ANXA4: variants seen among roughly 807,000 people sequenced by gnomAD.
ANXA4 encodes the protein 35-beta calcimedin.
Under a neutral mutation model 49.8 loss-of-function variants are expected in ANXA4, and 39 were observed. The observed-to-expected ratio is 0.78, with a 90% CI of 0.61 to 1.02. The LOEUF is 1.02. ANXA4 is among the 50% of genes least tolerant of loss of function. The pLI, the probability that ANXA4 is intolerant of heterozygous loss-of-function variation, is 0.00. For missense variants in ANXA4, 360 were observed against 410.1 expected, an observed-to-expected ratio of 0.88 and a Z score of 1.05; for synonymous variants, 134 against 152.5, an observed-to-expected ratio of 0.88 and a Z score of 0.89.
intron 1 of ANXA4, among the ~76,000 whole-genome samples, chr2:69,744,953 A>G (rs1195235220): frequency 6.6e-6 from 1 of 152,076 alleles, no homozygotes. Flanking sequence ...AACTGTTTCA[A>G]CTGGAAAGGG....
At chr2:69,762,934 C>T (rs529417837) in intron 1 of ANXA4, among the ~76,000 whole-genome samples, 18 of 152,264 alleles carry the variant, frequency 1.2e-4, no homozygotes, top group East Asian at 3.9e-4. Context: ...GCCGTAAGTC[C>T]GTTTCACTTC....
At chr2:69,774,791 A>G (rs1040970261) in intron 1 of ANXA4, among the ~76,000 whole-genome samples, 1 of 152,152 alleles carries the variant, frequency 6.6e-6, no homozygotes, top group Non-Finnish European at 1.5e-5. Flanking sequence ...CTTGGCATTT[A>G]TAAGGGGAGA....
intron 3 of ANXA4, among the ~76,000 whole-genome samples, chr2:69,728,574 A>G (rs1036296843): frequency 8.5e-4 from 129 of 152,160 alleles, no homozygotes; most frequent in Non-Finnish European, 1.2e-4. Flanking sequence ...ATCAAAATTC[A>G]TTATTTTTTC....
At chr2:69,769,777 C>G (rs191465834) in intron 1 of ANXA4, among the ~76,000 whole-genome samples, 5 of 152,294 alleles carry the variant, frequency 3.3e-5, no homozygotes, top group South Asian at 2.1e-4. Flanking sequence ...ATTCTCCTGC[C>G]TCAGACTCCC....
intron 8 of ANXA4, among the ~76,000 whole-genome samples, chr2:69,814,274 G>A (rs1364681922): frequency 6.6e-6 from 1 of 151,736 alleles, no homozygotes; most frequent in Non-Finnish European, 1.5e-5. Flanking sequence ...AGAAACAATG[G>A]CAGTTGCATG....
intron 1 of ANXA4, among the ~76,000 whole-genome samples, chr2:69,651,573 G>C (rs1676234624): frequency 1.3e-5 from 2 of 151,864 alleles, no homozygotes; most frequent in Non-Finnish European, 2.9e-5. Context: ...CGCAATCTCG[G>C]CTCACTGCAA....
intron 2 of ANXA4, chr2:69,674,485 G>A (rs1017717470): frequency 1.3e-5 from 2 of 152,096 alleles, no homozygotes; most frequent in African/African-American, 4.8e-5. Flanking sequence ...GTAATCAATG[G>A]GAACACACTG....
chr2:69,745,577 C>G (rs925142035), intron 1 of ANXA4, among the ~76,000 whole-genome samples: 1 of 152,074 alleles, frequency 6.6e-6, no homozygotes, highest in Non-Finnish European at 1.5e-5. Context: ...GTCACTCAGG[C>G]TGGAGTGCAA....
At chr2:69,656,276 CGTATATATATACATATAT>C (rs1559045885) in intron 2 of ANXA4, among the ~76,000 whole-genome samples, 10 of 100,924 alleles carry the variant, frequency 9.9e-5, no homozygotes, top group South Asian at 4.1e-4. Context: ...TATGTATATA[CGTATATATATACATATAT>C]GTATATATAT....
chr2:69,716,877 G>A (rs137867759), intron 2 of ANXA4, among the ~76,000 whole-genome samples: 25 of 152,324 alleles, frequency 1.6e-4, no homozygotes, highest in African/African-American at 5.1e-4. Flanking sequence ...CAGAGTTGGC[G>A]ATGTTTAAGT....
intron 3 of ANXA4, among the ~76,000 whole-genome samples, chr2:69,794,575 A>ATGTTATGTTAT (rs1408557906): frequency 6.7e-6 from 1 of 148,372 alleles, no homozygotes; most frequent in Non-Finnish European, 1.5e-5. Context: ...ATGTTATGTT[A>ATGTTATGTTAT]TTTTTGAGAC....
chr2:69,772,814 C>A (rs972197294), intron 1 of ANXA4, among the ~76,000 whole-genome samples: 1 of 152,044 alleles, frequency 6.6e-6, no homozygotes. Context: ...GTCAGGAGAT[C>A]AAGACCATCC....
exon 2 of ANXA4, chr2:69,653,013 T>C (rs943777715): frequency 1.3e-5 from 2 of 152,238 alleles, no homozygotes; most frequent in Admixed American, 1.3e-4. Flanking sequence ...AGCCTCTTAG[T>C]TGGATGCCCC....
intron 3 of ANXA4, among the ~76,000 whole-genome samples, chr2:69,723,403 G>A (rs1386932178): frequency 6.6e-6 from 1 of 152,068 alleles, no homozygotes; most frequent in Non-Finnish European, 1.5e-5. Context: ...CAAGCTTTTT[G>A]CAGTGTGGAC....
intron 3 of ANXA4, among the ~76,000 whole-genome samples, chr2:69,801,828 G>A (rs1369061461): frequency 6.6e-6 from 1 of 152,190 alleles, no homozygotes; most frequent in Non-Finnish European, 1.5e-5. Context: ...GGTTTTAGGG[G>A]TGCTACTGAG....
chr2:69,760,231 T>G (rs985958961), intron 1 of ANXA4, among the ~76,000 whole-genome samples: 3 of 152,212 alleles, frequency 2.0e-5, no homozygotes, highest in African/African-American at 7.2e-5. Flanking sequence ...TCCATTTTTA[T>G]GAAAAAACAA....
intron 1 of ANXA4, among the ~76,000 whole-genome samples, chr2:69,742,981 C>G (rs971761237): frequency 3.9e-5 from 6 of 152,140 alleles, no homozygotes; most frequent in Non-Finnish European, 5.9e-5. Context: ...CCCACCACCC[C>G]CTTCCACTCC....
chr2:69,806,531 G>A, intron 5 of ANXA4, 33 bp downstream of exon 5: 2 of 1,561,764 alleles, frequency 1.3e-6, no homozygotes, highest in East Asian at 2.2e-5. Flanking sequence ...TCTTGGTGCT[G>A]TTGGTGCAAA....
chr2:69,698,632 G>T (rs1678234408), intron 2 of ANXA4, among the ~76,000 whole-genome samples: 1 of 152,144 alleles, frequency 6.6e-6, no homozygotes, highest in Non-Finnish European at 1.5e-5. Context: ...GCTCTGACTA[G>T]GTGGGGCGGG....
Sources: allele counts gnomAD v4.1 joint callset (sites outside exome capture counted in the v4.1 genomes callset), GRCh38; gene constraint gnomAD v4.1.1; transcripts MANE v1.5; gene names NCBI Gene and HGNC (gene_info 2026-07-23, HGNC 2026-07-21).